The following SAMD13 variants were observed in gnomAD, a reference collection of about 807,000 sequenced individuals.
SAMD13 encodes sterile alpha motif domain containing 13, also known as sterile alpha motif domain-containing protein 13.
SAMD13 carries 9 observed loss-of-function variants against 12.4 expected under a neutral mutation model. The ratio of observed to expected loss-of-function variants is 0.72; its 90% confidence interval spans 0.44 to 1.26. SAMD13 has a LOEUF of 1.26. Ranked by LOEUF, SAMD13 falls within the 50% of genes most tolerant of loss-of-function variation. SAMD13 has a pLI of 0.00. For synonymous variants in SAMD13, 46 were observed against 45.4 expected, an observed-to-expected ratio of 1.01 and a Z score of -0.05; for missense variants, 84 against 119.6, an observed-to-expected ratio of 0.70 and a Z score of 1.39.
In SAMD13 at chr1:84,327,313, C is replaced by G. The variant is rs147664581; in HGVS notation, c.165+1565C>G. ...TTGCATGAGTCTCAAAAACATATTA[C>G]TGATTGAGAGAAACCTTACATAACT... On this transcript the variant is annotated intron_variant, in intron 3 of 3. Transcript: ENST00000394834. Among the ~76,000 whole-genome samples the G allele has an allele frequency of 4.7e-4, 72 of 152,268 alleles. No homozygotes were observed. The East Asian group carries it at 0.014, about 29-fold the overall frequency.
chr1:84,299,626 A>G, upstream of SAMD13: 1 of 1,507,376 alleles, frequency 6.6e-7, no homozygotes, highest in Non-Finnish European at 8.9e-7. Flanking sequence ...GATGGCAAAC[A>G]GTTTGTTGGA....
At chr1:84,322,986 G>C (rs886356592) in intron 2 of SAMD13, among the ~76,000 whole-genome samples, 1 of 152,032 alleles carries the variant, frequency 6.6e-6, no homozygotes, top group Non-Finnish European at 1.5e-5. Flanking sequence ...TTTAGGTTTG[G>C]GGGTACATGT....
chr1:84,326,685 TATC>T (rs1679067838), intron 3 of SAMD13, among the ~76,000 whole-genome samples: 1 of 152,210 alleles, frequency 6.6e-6, no homozygotes, highest in African/African-American at 2.4e-5. Context: ...TCTTTTCTAA[TATC>T]ATAATATTGT....
chr1:84,323,824 C>T (rs1019113666), intron 2 of SAMD13, among the ~76,000 whole-genome samples: 7 of 152,162 alleles, frequency 4.6e-5, no homozygotes, highest in Admixed American at 3.3e-4. Flanking sequence ...GCTCTCTTCT[C>T]CTCCTCTCTC....
At chr1:84,346,234 G>GTT (rs1480392619) in intron 3 of SAMD13, among the ~76,000 whole-genome samples, 31 of 152,186 alleles carry the variant, frequency 2.0e-4, no homozygotes, top group African/African-American at 6.8e-4. Flanking sequence ...TAGCTAGTGA[G>GTT]CTATAATATC....
chr1:84,301,163 G>A (rs987315790), upstream of SAMD13, among the ~76,000 whole-genome samples: 1 of 152,204 alleles, frequency 6.6e-6, no homozygotes, highest in Non-Finnish European at 1.5e-5. Context: ...CCTGCATAAT[G>A]AAGTAAAAGG....
At chr1:84,340,250 A>G (rs1679394079) in intron 3 of SAMD13, among the ~76,000 whole-genome samples, 1 of 152,246 alleles carries the variant, frequency 6.6e-6, no homozygotes, top group South Asian at 2.1e-4. Flanking sequence ...ATTCAACCAT[A>G]AAAAGGAATG....
chr1:84,317,708 A>AT (rs1678865709), intron 2 of SAMD13, among the ~76,000 whole-genome samples: 1 of 152,066 alleles, frequency 6.6e-6, no homozygotes, highest in South Asian at 2.1e-4. Context: ...TACTGACCTC[A>AT]TAAAAAAAGT....
In SAMD13 at chr1:84,350,493, G is replaced by T. The variant is rs1222966080; in HGVS notation, c.*719G>T. On this transcript the variant is annotated 3_prime_UTR_variant, in exon 4 of 4. Coordinates refer to ENST00000394834, the MANE Select transcript of SAMD13 (RefSeq NM_001134663.2). ...AATTGGTTCTTTGTTTCTGAAGAAA[G>T]AATTTTTTTTAACTTCATGGTTTTA... 6.6e-6 allele frequency: 1 copy of T among 152,548 alleles called. No homozygotes were observed. Among genetic ancestry groups the T allele is most frequent in the South Asian group, 2.1e-4 (1 of 4,824 alleles). 9.4% of individuals were successfully genotyped at this position (152,548 alleles called of 1,614,324 possible).
chr1:84,328,452 G>A (rs1679105698), intron 3 of SAMD13, among the ~76,000 whole-genome samples: 1 of 152,156 alleles, frequency 6.6e-6, no homozygotes, highest in Non-Finnish European at 1.5e-5. Context: ...TCTCATGGAA[G>A]GGTGATTGGG....
intron 2 of SAMD13, among the ~76,000 whole-genome samples, chr1:84,313,942 C>T (rs1218770194): frequency 6.6e-6 from 1 of 152,002 alleles, no homozygotes; most frequent in African/African-American, 2.4e-5. Flanking sequence ...TGAAATAGCC[C>T]TCTCTGAAAC....
intron 2 of SAMD13, among the ~76,000 whole-genome samples, chr1:84,315,761 G>T (rs1004609657): frequency 6.6e-6 from 1 of 152,078 alleles, no homozygotes; most frequent in Admixed American, 6.6e-5. Context: ...TCACATAGTA[G>T]TTCTATCTTT....
intron 2 of SAMD13, among the ~76,000 whole-genome samples, chr1:84,323,967 G>A (rs1002372786): frequency 6.6e-6 from 1 of 152,160 alleles, no homozygotes; most frequent in African/African-American, 2.4e-5. Flanking sequence ...AATTTAGCAT[G>A]TTTAGCTGGA....
At chr1:84,302,476 A>G (rs1329435957) in intron 1 of SAMD13, among the ~76,000 whole-genome samples, 2 of 151,612 alleles carry the variant, frequency 1.3e-5, no homozygotes, top group Non-Finnish European at 2.9e-5. Flanking sequence ...GGATGCTACA[A>G]TATCTCCTTA....
intron 3 of SAMD13, among the ~76,000 whole-genome samples, chr1:84,330,167 G>A (rs1459200561): frequency 6.6e-6 from 1 of 152,104 alleles, no homozygotes; most frequent in African/African-American, 2.4e-5. Context: ...TTAGTGGATG[G>A]TCCTGGAGAA....
chr1:84,324,969 C>A (rs1679025561), intron 2 of SAMD13, among the ~76,000 whole-genome samples: 1 of 152,108 alleles, frequency 6.6e-6, no homozygotes, highest in African/African-American at 2.4e-5. Flanking sequence ...GTGGTCCGGG[C>A]TCAAATGCAT....
intron 1 of SAMD13, chr1:84,302,756 G>A (rs1678479165): frequency 2.3e-6 from 2 of 878,122 alleles, no homozygotes; most frequent in African/African-American, 1.9e-5. Context: ...AAATCTAGGA[G>A]CAAGGGGGAG....
chr1:84,343,524 C>T (rs12034653), intron 3 of SAMD13, among the ~76,000 whole-genome samples: 1,587 of 152,196 alleles, frequency 0.01, 67 homozygotes, highest in Admixed American at 0.076. Context: ...CTGTGAAGCC[C>T]TGAAAAGGAA....
chr1:84,337,017 C>T (rs1679311226), intron 3 of SAMD13, among the ~76,000 whole-genome samples: 1 of 152,188 alleles, frequency 6.6e-6, no homozygotes, highest in African/African-American at 2.4e-5. Flanking sequence ...GTCTCAAATC[C>T]AGGTCATGCT....
Sources: allele counts gnomAD v4.1 joint callset (sites outside exome capture counted in the v4.1 genomes callset), GRCh38; gene constraint gnomAD v4.1.1; transcripts MANE v1.5; gene names NCBI Gene and HGNC (gene_info 2026-07-23, HGNC 2026-07-21).